Variants in CNBD1 observed in about 807,000 individuals in gnomAD.
CNBD1 encodes cyclic nucleotide-binding domain-containing protein 1.
A neutral mutation model predicts 54.4 loss-of-function variants in CNBD1; 71 were observed. The ratio of observed to expected loss-of-function variants is 1.30; its 90% CI spans 1.08 to 1.59. The LOEUF (loss-of-function observed/expected upper bound fraction) is 1.59, where lower values mean the gene tolerates loss of function less well. Ranked by LOEUF, CNBD1 falls within the 40% of genes most tolerant of loss-of-function variation. The pLI, the probability that CNBD1 is intolerant of heterozygous loss-of-function variation, is 0.00. For missense variants in CNBD1, 659 were observed against 518.0 expected, an observed-to-expected ratio of 1.27 and a Z score of -2.64; for synonymous variants, 182 against 170.7, an observed-to-expected ratio of 1.07 and a Z score of -0.51.
At position 87,084,812 on chromosome 8, in the gene CNBD1, G is replaced by A. The variant is rs1225727366; in HGVS notation, c.432-121181G>A. ...CTGCCTCAGTCTCCTGAATAGCTGGGATTCAGGCATGTGCCACCATGCCCA... is the reference window on the plus strand; with the variant it reads ...CTGCCTCAGTCTCCTGAATAGCTGGAATTCAGGCATGTGCCACCATGCCCA... On this transcript the variant is annotated intron_variant, in intron 4 of 10. Transcript: ENST00000518476. 3.9e-5 allele frequency among the ~76,000 whole-genome samples: 6 copies of A among 151,906 alleles called. No individual in the cohort carries two copies. The East Asian group carries it at 1.2e-3, about 29-fold the overall frequency.
intron 4 of CNBD1, among the ~76,000 whole-genome samples, chr8:87,034,135 C>G (rs1210381179): frequency 6.6e-6 from 1 of 152,136 alleles, no homozygotes; most frequent in Non-Finnish European, 1.5e-5. Flanking sequence ...ATGCTGTATT[C>G]ATTTATCTTG....
intron 10 of CNBD1, among the ~76,000 whole-genome samples, chr8:87,365,868 T>A (rs1170674582): frequency 3.3e-5 from 5 of 152,108 alleles, no homozygotes; most frequent in Non-Finnish European, 7.4e-5. Flanking sequence ...AGGAATTTTA[T>A]AATGTCTCCC....
chr8:87,077,412 C>CTTTTTTTTTTTTTTTTTTT (rs374931620), intron 4 of CNBD1, among the ~76,000 whole-genome samples: 2 of 129,588 alleles, frequency 1.5e-5, no homozygotes, highest in African/African-American at 2.9e-5. Flanking sequence ...TCTTCTTCTT[C>CTTTTTTTTTTTTTTTTTTT]TTTTTTTTTT....
chr8:86,881,041 C>T (rs1393383879), intron 1 of CNBD1, among the ~76,000 whole-genome samples: 4 of 152,068 alleles, frequency 2.6e-5, no homozygotes, highest in Non-Finnish European at 5.9e-5. Flanking sequence ...ATGATAAGAA[C>T]CCTATATGAA....
intron 4 of CNBD1, among the ~76,000 whole-genome samples, chr8:86,944,225 G>C (rs545303072): frequency 6.6e-6 from 1 of 152,074 alleles, no homozygotes; most frequent in Non-Finnish European, 1.5e-5. Flanking sequence ...AAATAATTTT[G>C]ACTCATTTTA....
chr8:87,114,441 C>G (rs1174700642), intron 4 of CNBD1, among the ~76,000 whole-genome samples: 3 of 152,204 alleles, frequency 2.0e-5, no homozygotes, highest in Admixed American at 2.0e-4. Flanking sequence ...ACCTCCGCCT[C>G]CCAGGTTCCA....
chr8:86,972,033 A>T (rs143936827), intron 4 of CNBD1, among the ~76,000 whole-genome samples: 1,892 of 151,928 alleles, frequency 0.012, 14 homozygotes, highest in Middle Eastern at 0.024. Context: ...GCTCACTGCA[A>T]CCTCTGCCTC....
At chr8:87,266,518 G>A (rs1233386728) in intron 6 of CNBD1, among the ~76,000 whole-genome samples, 1 of 121,160 alleles carries the variant, frequency 8.3e-6, no homozygotes, top group African/African-American at 3.2e-5. Context: ...ATGGCACTAT[G>A]TCGGCTCACT....
intron 4 of CNBD1, among the ~76,000 whole-genome samples, chr8:87,079,106 A>T (rs575322030): frequency 3.3e-5 from 5 of 152,058 alleles, no homozygotes; most frequent in Non-Finnish European, 7.4e-5. Flanking sequence ...GTATAAATTG[A>T]GTCTTACAAA....
intron 4 of CNBD1, among the ~76,000 whole-genome samples, chr8:86,988,599 C>G (rs1036164367): frequency 6.6e-6 from 1 of 152,102 alleles, no homozygotes; most frequent in Non-Finnish European, 1.5e-5. Context: ...TGTGGCCACC[C>G]TGTTGTGCTA....
chr8:87,058,573 C>T (rs1257489331), intron 4 of CNBD1, among the ~76,000 whole-genome samples: 9 of 152,308 alleles, frequency 5.9e-5, no homozygotes, highest in South Asian at 2.1e-4. Flanking sequence ...CAATTCTTGT[C>T]TTCTGCACAA....
At chr8:87,383,289 A>C (rs1811120275), downstream of CNBD1, among the ~76,000 whole-genome samples, 1 of 152,094 alleles carries the variant, frequency 6.6e-6, no homozygotes, top group African/African-American at 2.4e-5. Flanking sequence ...GTATAGTTTC[A>C]GTTTATCTTT....
chr8:87,196,783 C>T (rs933588810), intron 4 of CNBD1, among the ~76,000 whole-genome samples: 2 of 152,110 alleles, frequency 1.3e-5, no homozygotes, highest in East Asian at 3.9e-4. Context: ...AGAGAAGAAA[C>T]GACAACCTGA....
At chr8:87,426,279 C>T (rs1808048723) in intron 2 of CNBD1, among the ~76,000 whole-genome samples, 1 of 152,230 alleles carries the variant, frequency 6.6e-6, no homozygotes, top group African/African-American at 2.4e-5. Context: ...CACCCGTCTT[C>T]TGCGTCGCTC....
intron 4 of CNBD1, among the ~76,000 whole-genome samples, chr8:87,071,344 G>C (rs774888581): frequency 1.3e-5 from 2 of 152,038 alleles, no homozygotes; most frequent in Non-Finnish European, 2.9e-5. Flanking sequence ...TTTGCTCATT[G>C]CTGCAATTCA....
chr8:87,109,538 TTC>T lies in CNBD1; in HGVS notation c.432-96453_432-96452del, dbSNP rs1211473095. On this transcript the variant is annotated intron_variant, in intron 4 of 10. Coordinates refer to ENST00000518476, the MANE Select transcript of CNBD1 (RefSeq NM_173538.3). ...AGGGTTTGTTTCTTTCTTTCTTTCT[TTC>T]TTTTTTTTTTTTTTTTGAGGCAGAG... Among the ~76,000 whole-genome samples the T allele has an allele frequency of 8.4e-4, 80 of 95,126 alleles. 1 individual carries two copies. Among genetic ancestry groups the T allele is most frequent in the Middle Eastern group, 0.01 (2 of 192 alleles). The allele number at this position is 95,126 out of a possible 152,430, so 62.4% of individuals were successfully genotyped here.
intron 1 of CNBD1, among the ~76,000 whole-genome samples, chr8:86,884,893 T>C (rs1251826411): frequency 1.3e-5 from 2 of 152,222 alleles, no homozygotes; most frequent in East Asian, 3.8e-4. Context: ...CATTTTACAC[T>C]GTGTTTTCCA....
intron 4 of CNBD1, among the ~76,000 whole-genome samples, chr8:87,099,050 A>AAC (rs1554554845): frequency 4.0e-5 from 6 of 150,830 alleles, no homozygotes; most frequent in East Asian, 1.9e-4. Flanking sequence ...AAAAAAAAAA[A>AAC]AAAAAAAAAA....
intron 5 of CNBD1, among the ~76,000 whole-genome samples, chr8:87,224,909 A>T (rs959243805): frequency 6.6e-5 from 10 of 151,928 alleles, no homozygotes; most frequent in African/African-American, 1.7e-4. Flanking sequence ...TGTATCCTCT[A>T]TTATTTCATT....
Sources: allele counts gnomAD v4.1 joint callset (sites outside exome capture counted in the v4.1 genomes callset), GRCh38; gene constraint gnomAD v4.1.1; transcripts MANE v1.5; gene names NCBI Gene and HGNC (gene_info 2026-07-23, HGNC 2026-07-21).